The following SFT2D1 variants were observed in gnomAD, a reference collection of about 807,000 sequenced individuals.
SFT2D1 encodes vesicle transport protein SFT2A.
A neutral mutation model predicts 28.1 loss-of-function variants in SFT2D1; 24 were observed. The observed-to-expected ratio is 0.85, with a 90% confidence interval of 0.62 to 1.20. The LOEUF is 1.20. Among genes scored for constraint, SFT2D1 ranks in the 50% most tolerant of loss-of-function variants. The probability of loss-of-function intolerance (pLI) is 0.00; values close to 1 mark genes in which losing one functional copy is unlikely to be tolerated. For missense variants in SFT2D1, 181 were observed against 190.9 expected (o/e 0.95, Z 0.31); for synonymous variants, 82 against 73.7 (o/e 1.11, Z -0.58).
intron 1 of SFT2D1, among the ~76,000 whole-genome samples, chr6:166,340,122 C>T (rs1402720810): frequency 6.6e-6 from 1 of 152,232 alleles, no homozygotes; most frequent in Non-Finnish European, 1.5e-5. Flanking sequence ...TGGCTGTACA[C>T]TCAGACCATT....
chr6:166,339,456 A>G lies in SFT2D1; in HGVS notation c.63+2963T>C, dbSNP rs546859708. Among the ~76,000 whole-genome samples the G allele has an allele frequency of 3.9e-5, 6 of 152,246 alleles. No homozygotes were observed. In the East Asian group the frequency reaches 1.2e-3, roughly 29 times the overall value. Reference sequence around the variant, plus strand: ...CCAGTATTTTCCTTGGGAAAATGACATGTTCCCCGACCCCACTGCATCCTT... The same window carrying G: ...CCAGTATTTTCCTTGGGAAAATGACGTGTTCCCCGACCCCACTGCATCCTT... On this transcript the variant is annotated intron_variant, in intron 1 of 7. Coordinates refer to ENST00000361731, the MANE Select transcript of SFT2D1 (RefSeq NM_145169.3).
In SFT2D1 at chr6:166,324,635, T is replaced by C. The variant is rs763161555; in HGVS notation, c.352-40A>G. 1.1e-5 allele frequency: 18 copies of C among 1,568,656 alleles called. No individual in the cohort carries two copies. In the East Asian group the frequency reaches 3.6e-4, roughly 31 times the overall value. On this transcript the variant is annotated intron_variant, in intron 5 of 7. Coordinates refer to ENST00000361731, the MANE Select transcript of SFT2D1 (RefSeq NM_145169.3). ...AACAGAGCAATTATGAGTTTCAAAG[T>C]TTTAAAAACATCTTTCTCAATCAAA...
chr6:166,325,706 A>T (rs1208829488), intron 5 of SFT2D1, among the ~76,000 whole-genome samples: 1 of 152,248 alleles, frequency 6.6e-6, no homozygotes. Flanking sequence ...AGATTTGCCA[A>T]CCAGGCCCAC....
chr6:166,326,316 G>A (rs1159709863), intron 4 of SFT2D1, 149 bp from the exon 5 acceptor site: 3 of 698,768 alleles, frequency 4.3e-6, no homozygotes, highest in Non-Finnish European at 7.1e-6. Context: ...TGTATTTTCT[G>A]TAAGTATTAT....
At chr6:166,328,392 T>C (rs1447372737) in intron 3 of SFT2D1, 35 bp from the exon 4 acceptor site, 2 of 1,231,882 alleles carry the variant, frequency 1.6e-6, no homozygotes, top group Non-Finnish European at 2.2e-6. Flanking sequence ...GAGGTACAGG[T>C]CTACTAATTT....
chr6:166,337,246 C>T (rs1027158170), intron 1 of SFT2D1, among the ~76,000 whole-genome samples: 12 of 152,220 alleles, frequency 7.9e-5, no homozygotes, highest in Non-Finnish European at 1.3e-4. Context: ...GTAGACGGGA[C>T]CCCCAGCTGG....
chr6:166,342,383 C>A (rs1778801914), intron 1 of SFT2D1, 36 bp downstream of exon 1: 1 of 1,530,450 alleles, frequency 6.5e-7, no homozygotes, highest in Non-Finnish European at 8.8e-7. Flanking sequence ...GGCCAGCGGG[C>A]AGCCCCGGGA....
chr6:166,324,394 G>A (rs1349235237), intron 6 of SFT2D1, 143 bp downstream of exon 6: 14 of 672,962 alleles, frequency 2.1e-5, no homozygotes, highest in African/African-American at 3.6e-5. Flanking sequence ...AGGACTCATC[G>A]CAGACCTCCC....
chr6:166,322,746 CCA>C (rs1491316626), intron 7 of SFT2D1, 109 bp downstream of exon 7: 4 of 559,862 alleles, frequency 7.1e-6, no homozygotes, highest in Non-Finnish European at 1.1e-5. Flanking sequence ...TTAAAATCAA[CCA>C]AAAAAAAAGG....
Position 166,320,191 on chromosome 6 carries a change from T to G in SFT2D1, c.*26A>C, listed in dbSNP as rs202112052. On this transcript the variant is annotated 3_prime_UTR_variant, in exon 8 of 8. Transcript: ENST00000361731. ...CAAACATAGAGTACCAACATTCAAG[T>G]GCTCTTTTCCACAAGTTTCTGATTT... 1 of 1,607,392 alleles carries G rather than the reference T, an allele frequency of 6.2e-7. No individual in the cohort carries two copies.
At chr6:166,333,684 G>C (rs2114906879) in intron 1 of SFT2D1, among the ~76,000 whole-genome samples, 1 of 152,300 alleles carries the variant, frequency 6.6e-6, no homozygotes, top group Non-Finnish European at 1.5e-5. Context: ...GCACAGGGCA[G>C]GGGGGTCCTG....
chr6:166,333,257 C>A (rs1778583800), intron 1 of SFT2D1, among the ~76,000 whole-genome samples: 1 of 152,182 alleles, frequency 6.6e-6, no homozygotes, highest in Non-Finnish European at 1.5e-5. Context: ...TCATTCAGGA[C>A]TCTTGATCGC....
At chr6:166,320,305 C>G in intron 7 of SFT2D1, 49 bp from the exon 8 acceptor site, 3 of 1,497,384 alleles carry the variant, frequency 2.0e-6, no homozygotes, top group South Asian at 1.2e-5. Context: ...TCCTCAAAAG[C>G]AAAGTTGCGC....
At chr6:166,339,305 C>T (rs1468990495) in intron 1 of SFT2D1, among the ~76,000 whole-genome samples, 1 of 152,082 alleles carries the variant, frequency 6.6e-6, no homozygotes, top group Admixed American at 6.5e-5. Context: ...CCACTTCCTG[C>T]CCCTTCCTCC....
At chr6:166,333,255 G>A (rs1165506565) in intron 1 of SFT2D1, among the ~76,000 whole-genome samples, 1 of 152,138 alleles carries the variant, frequency 6.6e-6, no homozygotes, top group Non-Finnish European at 1.5e-5. Flanking sequence ...TCTCATTCAG[G>A]ACTCTTGATC....
intron 1 of SFT2D1, among the ~76,000 whole-genome samples, chr6:166,330,496 T>C (rs1778529797): frequency 6.6e-6 from 1 of 152,188 alleles, no homozygotes; most frequent in Admixed American, 6.5e-5. Flanking sequence ...AAAGTCCTTA[T>C]CTGTTAGGGA....
At position 166,320,982 on chromosome 6, in the gene SFT2D1, G is replaced by A. The variant is rs574410157; in HGVS notation, c.441-726C>T. Among the ~76,000 whole-genome samples the A allele has an allele frequency of 2.7e-4, 41 of 152,252 alleles. No individual in the cohort carries two copies. In the South Asian group the frequency reaches 6.6e-3, roughly 25 times the overall value. On this transcript the variant is annotated intron_variant, in intron 7 of 7. Coordinates refer to ENST00000361731, the MANE Select transcript of SFT2D1 (RefSeq NM_145169.3). ...TAGCTGGGCGTGGCAGCGGCAGCAC[G>A]TGCCTGTAATCCCAGCTACTCAGGA...
chr6:166,340,960 A>G (rs772271412), intron 1 of SFT2D1, among the ~76,000 whole-genome samples: 3 of 152,184 alleles, frequency 2.0e-5, no homozygotes, highest in East Asian at 1.9e-4. Flanking sequence ...TGGGCTCAAG[A>G]TAAGTGATAT....
intron 1 of SFT2D1, among the ~76,000 whole-genome samples, chr6:166,332,905 T>C (rs1778576752): frequency 6.6e-6 from 1 of 152,150 alleles, no homozygotes; most frequent in African/African-American, 2.4e-5. Context: ...GCTGAATGAG[T>C]GGCTCCCACA....
Sources: allele counts gnomAD v4.1 joint callset (sites outside exome capture counted in the v4.1 genomes callset), GRCh38; gene constraint gnomAD v4.1.1; transcripts MANE v1.5; gene names NCBI Gene and HGNC (gene_info 2026-07-23, HGNC 2026-07-21).